Variants in GPATCH2 observed in about 807,000 individuals in gnomAD.
The protein encoded by GPATCH2 is G-patch domain containing 2, also known as G patch domain-containing protein 2.
In GPATCH2, 51 loss-of-function variants were observed where a neutral mutation model predicts 58.0. The ratio of observed to expected loss-of-function variants is 0.88; its 90% CI spans 0.70 to 1.11. The LOEUF (loss-of-function observed/expected upper bound fraction) is 1.11. GPATCH2 is among the 50% of genes most tolerant of loss of function. The pLI is 0.00. For missense variants in GPATCH2, 625 were observed against 652.2 expected, an observed-to-expected ratio of 0.96 and a Z score of 0.45; for synonymous variants, 222 against 218.5, an observed-to-expected ratio of 1.02 and a Z score of -0.14.
Position 217,524,309 on chromosome 1 carries a change from T to G in GPATCH2, c.1099-9420A>C, listed in dbSNP as rs1457268689. ...CTCACTTCCTAGATGGGATGGCGGC[T>G]GGGAAGAGGCGCTCCTCACTTCCTA... is the stretch of plus-strand genomic sequence containing the variant. On this transcript the variant is annotated intron_variant, in intron 5 of 9. Transcript: ENST00000366935. 1.3e-4 allele frequency among the ~76,000 whole-genome samples: 20 copies of G among 149,886 alleles called. No individual in the cohort carries two copies. In the East Asian group the frequency reaches 3.2e-3, roughly 24 times the overall value.
intron 9 of GPATCH2, among the ~76,000 whole-genome samples, chr1:217,433,384 ATT>A (rs796294672): frequency 0.14 from 4,125 of 29,620 alleles, 86 homozygotes; most frequent in East Asian, 0.22. Flanking sequence ...ATATATATAT[ATT>A]TATTTATTTA....
chr1:217,564,421 A>T (rs1283902283), intron 5 of GPATCH2, among the ~76,000 whole-genome samples: 1 of 152,182 alleles, frequency 6.6e-6, no homozygotes, highest in Non-Finnish European at 1.5e-5. Context: ...CTCCATTTGC[A>T]ATTCATGGTG....
intron 2 of GPATCH2, among the ~76,000 whole-genome samples, chr1:217,616,631 T>A (rs1668900610): frequency 6.6e-6 from 1 of 152,198 alleles, no homozygotes; most frequent in Non-Finnish European, 1.5e-5. Flanking sequence ...TGTTTCTATG[T>A]TCAATAAATC....
chr1:217,603,803 A>G (rs1668225636), intron 5 of GPATCH2, among the ~76,000 whole-genome samples: 1 of 151,696 alleles, frequency 6.6e-6, no homozygotes, highest in African/African-American at 2.4e-5. Flanking sequence ...TTGTATTTTT[A>G]GTAGAGACGG....
At position 217,491,750 on chromosome 1, in the gene GPATCH2, G is replaced by C; in HGVS notation, c.1207C>G (p.His403Asp). Residue 403 changes from histidine to aspartate, a missense_variant and splice_region_variant, in exon 8 of 10, where the codon CAT becomes GAT. Physicochemically the swap from His to Asp is moderately conservative, Grantham distance 81 (BLOSUM62 -1). Coordinates refer to ENST00000366935, the MANE Select transcript of GPATCH2 (RefSeq NM_018040.5). Reference sequence around the variant, plus strand: ...GCTCGATTATCTCTCAGAAGCTGATGCTACACAAAGTGTTAAGACAAAGTC... The same window carrying C: ...GCTCGATTATCTCTCAGAAGCTGATCCTACACAAAGTGTTAAGACAAAGTC... ...SPGARTEHDQ[H>D]QLLRDNRAER... The C allele has an allele frequency of 7.5e-7, 1 of 1,330,380 alleles. No homozygotes were observed. The highest frequency in any genetic ancestry group is 1.1e-6 in the Non-Finnish European group (1 of 942,070). 82.4% of individuals were successfully genotyped at this position (1,330,380 alleles called of 1,614,324 possible).
rs1280817201 is a variant in GPATCH2 at position 217,524,022 on chromosome 1, G to A, written c.1099-9133C>T. ...GGGCTCCTCACTTCCCAGTAGGGGCGGCCAGGCAGAGGTGCCCCTCACCTC... is the reference window on the plus strand; with the variant it reads ...GGGCTCCTCACTTCCCAGTAGGGGCAGCCAGGCAGAGGTGCCCCTCACCTC... On this transcript the variant is annotated intron_variant, in intron 5 of 9. Coordinates refer to ENST00000366935, the MANE Select transcript of GPATCH2 (RefSeq NM_018040.5). Among the ~76,000 whole-genome samples, 14 of 147,762 alleles carry A rather than the reference G, an allele frequency of 9.5e-5. No homozygotes were observed. In the East Asian group the frequency reaches 1.2e-3, roughly 13 times the overall value.
At chr1:217,599,197 A>C (rs11117895) in intron 5 of GPATCH2, among the ~76,000 whole-genome samples, 7,267 of 152,296 alleles carry the variant, frequency 0.048, 571 homozygotes, top group African/African-American at 0.16. Flanking sequence ...GAAGAGTGAA[A>C]ATAGAAAAGA....
chr1:217,591,608 CT>C (rs1309814737), intron 5 of GPATCH2, among the ~76,000 whole-genome samples: 1 of 152,066 alleles, frequency 6.6e-6, no homozygotes, highest in East Asian at 1.9e-4. Context: ...CTTCAAAAAA[CT>C]GAGTTCTAAC....
intron 8 of GPATCH2, among the ~76,000 whole-genome samples, chr1:217,451,074 C>T (rs1193546980): frequency 1.3e-5 from 2 of 151,838 alleles, no homozygotes; most frequent in Admixed American, 6.6e-5. Context: ...GTCAGAGTGG[C>T]GAAAGAAAAC....
chr1:217,469,945 C>T (rs1290027388), intron 8 of GPATCH2, among the ~76,000 whole-genome samples: 1 of 152,120 alleles, frequency 6.6e-6, no homozygotes, highest in African/African-American at 2.4e-5. Context: ...ATTAGGACTG[C>T]TTGTTTGTTT....
chr1:217,619,628 T>C (rs565706859), intron 2 of GPATCH2, among the ~76,000 whole-genome samples, 155 bp downstream of exon 2: 2 of 152,244 alleles, frequency 1.3e-5, no homozygotes, highest in South Asian at 4.1e-4. Context: ...CTAAACATCA[T>C]AAAGTATAAG....
At chr1:217,548,806 G>C (rs1665203404) in intron 5 of GPATCH2, among the ~76,000 whole-genome samples, 2 of 152,120 alleles carry the variant, frequency 1.3e-5, no homozygotes, top group African/African-American at 4.8e-5. Flanking sequence ...TCTCTCCCCT[G>C]CTGCCCTGTA....
At chr1:217,616,620 G>A (rs566098376) in intron 2 of GPATCH2, among the ~76,000 whole-genome samples, 2 of 152,170 alleles carry the variant, frequency 1.3e-5, no homozygotes, top group East Asian at 1.9e-4. Context: ...CATTATGTAC[G>A]TGTTTCTATG....
intron 5 of GPATCH2, among the ~76,000 whole-genome samples, chr1:217,560,918 T>G (rs576133349): frequency 5.6e-4 from 85 of 152,368 alleles, no homozygotes; most frequent in African/African-American, 1.9e-3. Flanking sequence ...AGATTTTAAC[T>G]TTAAAAGTTG....
At chr1:217,531,025 T>C (rs1664160720) in intron 5 of GPATCH2, among the ~76,000 whole-genome samples, 1 of 150,774 alleles carries the variant, frequency 6.6e-6, no homozygotes, top group African/African-American at 2.4e-5. Flanking sequence ...ACGCACCTCC[T>C]CCCAAGCCCA....
At chr1:217,610,752 A>G in intron 4 of GPATCH2, 137 bp downstream of exon 4, 3 of 608,294 alleles carry the variant, frequency 4.9e-6, no homozygotes, top group Non-Finnish European at 8.6e-6. Flanking sequence ...TAGTAGCTAT[A>G]TTAGTGGCCA....
intron 1 of GPATCH2, among the ~76,000 whole-genome samples, chr1:217,626,891 A>C (rs1347832187): frequency 6.6e-6 from 1 of 152,038 alleles, no homozygotes; most frequent in Non-Finnish European, 1.5e-5. Flanking sequence ...GTAGGGTGGG[A>C]TAGGGAAGAA....
At chr1:217,625,075 C>A in intron 1 of GPATCH2, among the ~76,000 whole-genome samples, 1 of 152,018 alleles carries the variant, frequency 6.6e-6, no homozygotes, top group East Asian at 1.9e-4. Flanking sequence ...TATGATCAAT[C>A]CAAGATTTGA....
intron 5 of GPATCH2, among the ~76,000 whole-genome samples, chr1:217,582,313 TAAATAATAACTTATAATTCCTA>T (rs1250698082): frequency 1.3e-5 from 2 of 152,072 alleles, no homozygotes; most frequent in Non-Finnish European, 2.9e-5. Flanking sequence ...ATAATTATTA[TAAATAATAACTTATAATTCCTA>T]GTATTTTAAA....
Sources: allele counts gnomAD v4.1 joint callset (sites outside exome capture counted in the v4.1 genomes callset), GRCh38; gene constraint gnomAD v4.1.1; transcripts MANE v1.5; gene names NCBI Gene and HGNC (gene_info 2026-07-23, HGNC 2026-07-21).